Variants in RNF135 observed in about 807,000 individuals in gnomAD.
RNF135 encodes ring finger protein 135, also known as E3 ubiquitin-protein ligase RNF135.
In RNF135, 46 loss-of-function variants were observed where a neutral mutation model predicts 41.9. The ratio of observed to expected loss-of-function variants is 1.10; its 90% confidence interval spans 0.87 to 1.40. RNF135 has a LOEUF of 1.40. RNF135 is among the 40% of genes most tolerant of loss of function. The probability of loss-of-function intolerance (pLI) is 0.00; values close to 1 mark genes in which losing one functional copy is unlikely to be tolerated. For missense variants in RNF135, 539 were observed against 549.8 expected (o/e 0.98, Z 0.20); for synonymous variants, 238 against 223.8 (o/e 1.06, Z -0.57).
intron 1 of RNF135, among the ~76,000 whole-genome samples, chr17:30,984,323 T>C (rs1907430771): frequency 6.6e-6 from 1 of 152,234 alleles, no homozygotes; most frequent in Non-Finnish European, 1.5e-5. Context: ...AGTTAGTTTT[T>C]GTATATGATG....
intron 1 of RNF135, among the ~76,000 whole-genome samples, chr17:30,983,844 A>G (rs962820086): frequency 6.6e-5 from 10 of 151,110 alleles, no homozygotes; most frequent in African/African-American, 2.4e-4. Context: ...GCATTTCCCT[A>G]GTGATTAGTG....
At chr17:30,978,273 T>G (rs1906640670) in intron 1 of RNF135, among the ~76,000 whole-genome samples, 1 of 152,234 alleles carries the variant, frequency 6.6e-6, no homozygotes, top group Non-Finnish European at 1.5e-5. Flanking sequence ...ATTGATGTCT[T>G]TCTGTAGATT....
chr17:30,963,989 T>G, the RNF135 span, among the ~76,000 whole-genome samples: 5 of 152,182 alleles, frequency 3.3e-5, no homozygotes, highest in Admixed American at 3.3e-4. Context: ...GGCTTATGTT[T>G]GGGCATTTGA....
intron 2 of RNF135, among the ~76,000 whole-genome samples, chr17:30,987,351 C>T (rs1486121733): frequency 6.6e-6 from 1 of 152,062 alleles, no homozygotes; most frequent in East Asian, 1.9e-4. Context: ...CCTGCCTCAG[C>T]CTCCCATGTA....
the RNF135 span, among the ~76,000 whole-genome samples, chr17:30,964,389 C>CAAAAAAA: frequency 1.1e-4 from 4 of 37,192 alleles, no homozygotes; most frequent in Non-Finnish European, 1.2e-4. Flanking sequence ...GACTTCATCT[C>CAAAAAAA]AAAAAAAAAA....
chr17:30,998,622 G>C (rs758048401), intron 4 of RNF135, 40 bp from the exon 5 acceptor site: 6 of 1,601,960 alleles, frequency 3.7e-6, no homozygotes. Flanking sequence ...ATCAAAAGAT[G>C]ACCGGCCATG....
At chr17:30,961,257 C>A in the RNF135 span, among the ~76,000 whole-genome samples, 1 of 152,178 alleles carries the variant, frequency 6.6e-6, no homozygotes, top group Non-Finnish European at 1.5e-5. Flanking sequence ...CTGGTTCATA[C>A]TGATGCAGGG....
intron 3 of RNF135, among the ~76,000 whole-genome samples, chr17:30,989,573 C>T (rs1047848349): frequency 1.3e-5 from 2 of 152,226 alleles, no homozygotes; most frequent in Admixed American, 6.5e-5. Flanking sequence ...TGTCTGGTCT[C>T]CCAGGGTTCT....
intron 1 of RNF135, among the ~76,000 whole-genome samples, chr17:30,980,510 C>G (rs1481852763): frequency 7.2e-6 from 1 of 138,226 alleles, no homozygotes; most frequent in South Asian, 2.4e-4. Flanking sequence ...CTGACCCCCC[C>G]CACCTCCCTC....
rs1908592339 is a variant in RNF135 at position 30,999,396 on chromosome 17, G to T, written c.*205G>T. ...CCCAAGGTGCTGGGATTACAGGTGT[G>T]AGCCACCACACCTGGCCAAGAATAC... is the stretch of plus-strand genomic sequence containing the variant. On this transcript the variant is annotated 3_prime_UTR_variant, in exon 5 of 5. Coordinates refer to ENST00000328381, the MANE Select transcript of RNF135 (RefSeq NM_032322.4). The T allele has an allele frequency of 1.7e-6, 1 of 598,042 alleles. No homozygotes were observed. The highest frequency in any genetic ancestry group is 3.0e-6 in the Non-Finnish European group (1 of 335,764). The allele number at this position is 598,042 out of a possible 1,614,324, so 37.0% of individuals were successfully genotyped here. A position where few individuals can be genotyped will look rare whatever the true frequency, so the allele number is the denominator to read the frequency against.
intron 1 of RNF135, among the ~76,000 whole-genome samples, chr17:30,983,641 A>G (rs1395921650): frequency 3.3e-5 from 5 of 151,496 alleles, no homozygotes; most frequent in Admixed American, 6.6e-5. Context: ...GCCATGAGCT[A>G]TTGCGCCTGG....
chr17:30,982,453 CA>C (rs943006228), intron 1 of RNF135, among the ~76,000 whole-genome samples: 7 of 152,216 alleles, frequency 4.6e-5, no homozygotes, highest in Non-Finnish European at 8.8e-5. Flanking sequence ...TTCCTGAGTG[CA>C]CAGATTCTCT....
chr17:30,984,492 GT>G (rs1444188595), intron 1 of RNF135, 124 bp from the exon 2 acceptor site: 1 of 959,476 alleles, frequency 1.0e-6, no homozygotes. Flanking sequence ...GTACTCTATT[GT>G]ATTCCATCGG....
the RNF135 span, among the ~76,000 whole-genome samples, chr17:30,961,388 G>T: frequency 2.0e-5 from 3 of 152,132 alleles, no homozygotes; most frequent in African/African-American, 7.2e-5. Context: ...GCTATCTGCA[G>T]TAGGGAATTT....
intron 1 of RNF135, among the ~76,000 whole-genome samples, chr17:30,981,900 AGTCT>A (rs1305148163): frequency 6.6e-6 from 1 of 152,232 alleles, no homozygotes; most frequent in Non-Finnish European, 1.5e-5. Context: ...TCTCCAAAAC[AGTCT>A]GTCTGTGTGC....
At chr17:30,960,720 ATTTTATTTTATTTAT>A in the RNF135 span, among the ~76,000 whole-genome samples, 42 of 126,998 alleles carry the variant, frequency 3.3e-4, no homozygotes, top group African/African-American at 2.0e-3. Context: ...ATTTTATTTT[ATTTTATTTTATTTAT>A]TTTATTTTAT....
upstream of RNF135, chr17:30,969,303 A>G (rs1423147489): frequency 1.3e-5 from 2 of 152,104 alleles, no homozygotes; most frequent in Non-Finnish European, 2.9e-5. Flanking sequence ...CTACGATTTT[A>G]CTCCGATGCG....
Position 30,971,047 on chromosome 17 carries a change from C to T in RNF135, c.-27C>T, listed in dbSNP as rs1296005270. On this transcript the variant is annotated 5_prime_UTR_variant, in exon 1 of 5. In the 5' UTR this introduces an upstream ATG that the reference lacks. Transcript: ENST00000328381. ...GGAGACTCGCCCGGCTCAACCCCGA[C>T]GTCCGCGCCCCGGCCGCCTGTTGGC... 1 of 1,529,420 alleles carries T rather than the reference C, an allele frequency of 6.5e-7. No individual in the cohort carries two copies. Among genetic ancestry groups the T allele is most frequent in the Non-Finnish European group, 8.7e-7 (1 of 1,145,648 alleles). The allele number at this position is 1,529,420 out of a possible 1,614,324, so 94.7% of individuals were successfully genotyped here.
intron 1 of RNF135, chr17:30,975,661 G>C: frequency 7.7e-7 from 1 of 1,303,488 alleles, no homozygotes; most frequent in Non-Finnish European, 1.1e-6. Context: ...CAATACCGGA[G>C]GGTGGAGTCA....
Sources: allele counts gnomAD v4.1 joint callset (sites outside exome capture counted in the v4.1 genomes callset), GRCh38; gene constraint gnomAD v4.1.1; transcripts MANE v1.5; gene names NCBI Gene and HGNC (gene_info 2026-07-23, HGNC 2026-07-21).